Variants in AKT3 observed in about 807,000 individuals in gnomAD.
The protein encoded by AKT3 is RAC-gamma serine/threonine-protein kinase.
In AKT3, 15 loss-of-function variants were observed where a neutral mutation model predicts 65.3. The observed-to-expected ratio is 0.23, with a 90% CI of 0.15 to 0.35. AKT3 has a LOEUF of 0.35. AKT3 is among the 10% of genes least tolerant of loss of function. AKT3 has a pLI of 1.00. For synonymous variants in AKT3, 206 were observed against 183.8 expected (o/e 1.12, Z -0.98); for missense variants, 243 against 576.5 (o/e 0.42, Z 5.92).
chr1:243,695,012 CAAT>C (rs1553434986), intron 3 of AKT3, among the ~76,000 whole-genome samples: 1 of 151,934 alleles, frequency 6.6e-6, no homozygotes, highest in Non-Finnish European at 1.5e-5. Context: ...AATAACATAA[CAAT>C]AATAATCATT....
chr1:243,573,644 A>ATGAACTGAGTAAATTATTTAGT (rs1458830401), intron 8 of AKT3, among the ~76,000 whole-genome samples: 2 of 152,184 alleles, frequency 1.3e-5, no homozygotes, highest in African/African-American at 4.8e-5. Flanking sequence ...GTAATGCCCA[A>ATGAACTGAGTAAATTATTTAGT]AATGAACTGA....
downstream of AKT3, among the ~76,000 whole-genome samples, chr1:243,495,676 AGAG>A (rs1667661734): frequency 6.6e-6 from 1 of 152,106 alleles, no homozygotes; most frequent in Non-Finnish European, 1.5e-5. Flanking sequence ...TCGGCTCTGT[AGAG>A]GAGTGCTCCC....
Position 243,525,650 on chromosome 1 carries a change from TATGTA to T in AKT3, c.1252-13229_1252-13225del, listed in dbSNP as rs1403915411. Among the ~76,000 whole-genome samples, 12 of 145,086 alleles carry T rather than the reference TATGTA, an allele frequency of 8.3e-5. No individual in the cohort carries two copies. The East Asian group carries it at 2.5e-3, about 30-fold the overall frequency. On this transcript the variant is annotated intron_variant, in intron 12 of 13. Transcript: ENST00000673466. ...TATGGGCTTGGAGCACATTGGAGAT[TATGTA>T]AGAGTCAGTAAACTTGATATACCAG... is the stretch of plus-strand genomic sequence containing the variant.
chr1:243,710,711 G>A (rs534422649), intron 2 of AKT3, among the ~76,000 whole-genome samples: 1 of 152,276 alleles, frequency 6.6e-6, no homozygotes, highest in Admixed American at 6.5e-5. Context: ...TAGGTTTACT[G>A]ACTTCCTCAT....
rs549254438 is a variant in AKT3, at chr1:243,797,859, C to CA, written c.46+45265dup. Among the ~76,000 whole-genome samples the CA allele has an allele frequency of 6.5e-3, 799 of 123,594 alleles. 6 individuals carry two copies. The highest frequency in any genetic ancestry group is 0.025 in the South Asian group (99 of 3,910). 81.1% of individuals were successfully genotyped at this position (123,594 alleles called of 152,430 possible). On this transcript the variant is annotated intron_variant, in intron 2 of 13. Coordinates refer to ENST00000673466, the MANE Select transcript of AKT3 (RefSeq NM_005465.7). ...TGAAGTAATTCAAAAGTTAGGATAACAAAAAAAAAAACCAAAAAACAGTTT... is the reference window on the plus strand; with the variant it reads ...TGAAGTAATTCAAAAGTTAGGATAACAAAAAAAAAAAACCAAAAAACAGTTT...
At chr1:243,536,457 A>G (rs558082771) in intron 12 of AKT3, among the ~76,000 whole-genome samples, 3 of 152,270 alleles carry the variant, frequency 2.0e-5, no homozygotes, top group African/African-American at 7.2e-5. Flanking sequence ...GTGCAAATAA[A>G]TATGTTTCTC....
At chr1:243,566,124 C>G (rs918190949) in intron 9 of AKT3, among the ~76,000 whole-genome samples, 26 of 152,244 alleles carry the variant, frequency 1.7e-4, no homozygotes, top group African/African-American at 5.8e-4. Flanking sequence ...TTTGACAAAG[C>G]TATTTTTGAA....
At chr1:243,755,839 A>G (rs138919895) in intron 2 of AKT3, among the ~76,000 whole-genome samples, 2 of 152,240 alleles carry the variant, frequency 1.3e-5, no homozygotes, top group Admixed American at 1.3e-4. Context: ...GGGAATCCCC[A>G]AAGTATGCAT....
intron 2 of AKT3, among the ~76,000 whole-genome samples, chr1:243,743,080 A>C (rs1448305256): frequency 6.6e-6 from 1 of 152,176 alleles, no homozygotes; most frequent in Non-Finnish European, 1.5e-5. Context: ...AGTCACATAG[A>C]TCCAAAGGAA....
chr1:243,754,548 G>A lies in AKT3; in HGVS notation c.47-58832C>T, dbSNP rs906651463. 2.0e-5 allele frequency among the ~76,000 whole-genome samples: 3 copies of A among 152,136 alleles called. No homozygotes were observed. In the East Asian group the frequency reaches 5.8e-4, roughly 29 times the overall value. On this transcript the variant is annotated intron_variant, in intron 2 of 13. Transcript: ENST00000673466. ...GCGGATGGTGGCTGTTAGGAACCAG[G>A]CCACGCAGCAAGAGGTGAGCAGCAG...
chr1:243,647,798 A>T (rs560520018), intron 4 of AKT3, among the ~76,000 whole-genome samples: 1 of 152,380 alleles, frequency 6.6e-6, no homozygotes, highest in East Asian at 1.9e-4. Flanking sequence ...AAATGAAAGT[A>T]AACAGCAGCA....
intron 2 of AKT3, among the ~76,000 whole-genome samples, chr1:243,764,346 T>G (rs981088543): frequency 1.3e-5 from 2 of 152,034 alleles, no homozygotes; most frequent in African/African-American, 4.8e-5. Flanking sequence ...AAATAATGAA[T>G]CCTTATGGGA....
At chr1:243,812,110 G>A (rs921770893) in intron 2 of AKT3, among the ~76,000 whole-genome samples, 13 of 152,210 alleles carry the variant, frequency 8.5e-5, no homozygotes, top group African/African-American at 1.7e-4. Context: ...ACATAGGCAC[G>A]GGCAAGGACT....
At chr1:243,665,205 G>A (rs2147922779) in intron 3 of AKT3, among the ~76,000 whole-genome samples, 1 of 152,206 alleles carries the variant, frequency 6.6e-6, no homozygotes, top group Non-Finnish European at 1.5e-5. Context: ...CTATCCATAT[G>A]CATCACCTGC....
At chr1:243,522,808 A>C (rs1471527399) in intron 12 of AKT3, among the ~76,000 whole-genome samples, 1 of 152,204 alleles carries the variant, frequency 6.6e-6, no homozygotes, top group East Asian at 1.9e-4. Context: ...TAAAAAATAT[A>C]ACATTAAAGC....
chr1:243,816,457 C>T lies in AKT3; in HGVS notation c.46+26668G>A, dbSNP rs1044327270. ...CACTAACATAACATGGTAGGCACCA[C>T]CCTACTGTTTCTGACACTACCTTTA... On this transcript the variant is annotated intron_variant, in intron 2 of 13. Transcript: ENST00000673466. 3.3e-5 allele frequency among the ~76,000 whole-genome samples: 5 copies of T among 152,192 alleles called. No individual in the cohort carries two copies. In the South Asian group the frequency reaches 6.2e-4, roughly 19 times the overall value.
intron 6 of AKT3, among the ~76,000 whole-genome samples, chr1:243,635,150 A>G (rs1055632026): frequency 3.3e-5 from 5 of 151,988 alleles, no homozygotes; most frequent in Non-Finnish European, 5.9e-5. Context: ...TAGAATATAA[A>G]GAAAACAAGA....
intron 2 of AKT3, among the ~76,000 whole-genome samples, chr1:243,829,510 GT>G (rs1694370980): frequency 6.6e-6 from 1 of 151,778 alleles, no homozygotes; most frequent in Non-Finnish European, 1.5e-5. Flanking sequence ...TCAAATAAAG[GT>G]ATTCTCAATA....
intron 2 of AKT3, among the ~76,000 whole-genome samples, chr1:243,768,831 C>CAAA (rs1360543117): frequency 9.0e-5 from 7 of 78,132 alleles, no homozygotes; most frequent in Admixed American, 1.4e-4. Context: ...TGATCCGCCA[C>CAAA]AAAAAAAAAA....
Sources: allele counts gnomAD v4.1 joint callset (sites outside exome capture counted in the v4.1 genomes callset), GRCh38; gene constraint gnomAD v4.1.1; transcripts MANE v1.5; gene names NCBI Gene and HGNC (gene_info 2026-07-23, HGNC 2026-07-21).